The following NELL1 variants were observed in gnomAD, a reference collection of about 807,000 sequenced individuals.
NELL1 encodes the protein protein kinase C-binding protein NELL1.
NELL1 carries 76 observed loss-of-function variants against 107.4 expected under a neutral mutation model. The observed-to-expected ratio is 0.71, with a 90% CI of 0.59 to 0.86. The LOEUF (loss-of-function observed/expected upper bound fraction) is 0.86. Among genes scored for constraint, NELL1 ranks in the 40% least tolerant of loss-of-function variants. The pLI is 0.00. For missense variants in NELL1, 1,024 were observed against 1,005.5 expected, an observed-to-expected ratio of 1.02 and a Z score of -0.25; for synonymous variants, 353 against 341.2, an observed-to-expected ratio of 1.03 and a Z score of -0.38.
At chr11:21,234,111 T>C (rs1858137170) in intron 14 of NELL1, among the ~76,000 whole-genome samples, 1 of 152,204 alleles carries the variant, frequency 6.6e-6, no homozygotes, top group Non-Finnish European at 1.5e-5. Context: ...GTGTAAAGCA[T>C]ATGCATTAGT....
At chr11:21,294,768 G>A (rs1412040685) in intron 14 of NELL1, among the ~76,000 whole-genome samples, 1 of 151,954 alleles carries the variant, frequency 6.6e-6, no homozygotes, top group Non-Finnish European at 1.5e-5. Flanking sequence ...GATTTAAATG[G>A]TCATGAGTGT....
chr11:21,416,844 A>C (rs1852530719), intron 15 of NELL1, among the ~76,000 whole-genome samples: 2 of 152,070 alleles, frequency 1.3e-5, no homozygotes, highest in African/African-American at 4.8e-5. Flanking sequence ...GTTTTCCTTC[A>C]ATATTTAGTT....
chr11:21,179,227 G>T (rs912842079), intron 13 of NELL1, among the ~76,000 whole-genome samples: 2 of 151,910 alleles, frequency 1.3e-5, no homozygotes, highest in African/African-American at 4.9e-5. Context: ...ATTTTGAATA[G>T]AAAGTAGTGA....
In NELL1 at chr11:21,169,484, C is replaced by G. The variant is rs192799806; in HGVS notation, c.1426+55770C>G. ...ATGCAGAACTCCAGGGTATACATTT[C>G]TGTTGCTGATGTTACTGTTGGCTTG... On this transcript the variant is annotated intron_variant, in intron 13 of 19. Coordinates refer to ENST00000357134, the MANE Select transcript of NELL1 (RefSeq NM_006157.5). Among the ~76,000 whole-genome samples, 12 of 151,934 alleles carry G rather than the reference C, an allele frequency of 7.9e-5. No individual in the cohort carries two copies. The East Asian group carries it at 1.9e-3, about 24-fold the overall frequency.
At chr11:20,890,548 A>G (rs966661050) in intron 5 of NELL1, among the ~76,000 whole-genome samples, 1 of 152,104 alleles carries the variant, frequency 6.6e-6, no homozygotes, top group Non-Finnish European at 1.5e-5. Flanking sequence ...GAAGGTGGGT[A>G]ATAACAAACT....
chr11:21,388,896 T>C (rs1042664391), intron 15 of NELL1, among the ~76,000 whole-genome samples: 2 of 151,854 alleles, frequency 1.3e-5, no homozygotes, highest in Admixed American at 6.6e-5. Flanking sequence ...CATCTAAAAT[T>C]AGTTTCATGT....
At chr11:21,504,385 G>A (rs1172744522) in intron 15 of NELL1, among the ~76,000 whole-genome samples, 4 of 152,100 alleles carry the variant, frequency 2.6e-5, no homozygotes, top group African/African-American at 7.2e-5. Context: ...ATGTACATGT[G>A]GAAGCTCAGA....
At chr11:21,137,567 G>A (rs1378309412) in intron 13 of NELL1, among the ~76,000 whole-genome samples, 1 of 152,176 alleles carries the variant, frequency 6.6e-6, no homozygotes, top group Non-Finnish European at 1.5e-5. Context: ...GGCAGTCAAA[G>A]GATTAGAAAG....
chr11:21,241,636 G>A (rs1858362243), intron 14 of NELL1, among the ~76,000 whole-genome samples: 1 of 152,108 alleles, frequency 6.6e-6, no homozygotes, highest in Non-Finnish European at 1.5e-5. Flanking sequence ...GCTAACTGTA[G>A]TCTTTCTGCC....
intron 13 of NELL1, among the ~76,000 whole-genome samples, chr11:21,131,487 C>T (rs143617698): frequency 6.6e-6 from 1 of 152,318 alleles, no homozygotes; most frequent in East Asian, 1.9e-4. Flanking sequence ...TCATCATCTG[C>T]AGCAGGAGAT....
intron 2 of NELL1, among the ~76,000 whole-genome samples, chr11:20,679,939 T>A (rs1854149976): frequency 6.6e-6 from 1 of 151,982 alleles, no homozygotes; most frequent in South Asian, 2.1e-4. Context: ...GTAGGTCCCC[T>A]GGGCTGGAAC....
At chr11:21,532,516 G>A (rs1856014611) in intron 15 of NELL1, among the ~76,000 whole-genome samples, 1 of 152,118 alleles carries the variant, frequency 6.6e-6, no homozygotes, top group Non-Finnish European at 1.5e-5. Flanking sequence ...ACTTTTCCAG[G>A]CAAACCAGGA....
chr11:21,123,987 T>C (rs1284070791), intron 13 of NELL1, among the ~76,000 whole-genome samples: 5 of 152,178 alleles, frequency 3.3e-5, no homozygotes, highest in Admixed American at 2.0e-4. Flanking sequence ...TATGAATACA[T>C]ATGCACATAC....
At chr11:21,548,952 G>C (rs568237718) in intron 16 of NELL1, among the ~76,000 whole-genome samples, 6 of 150,882 alleles carry the variant, frequency 4.0e-5, no homozygotes, top group Non-Finnish European at 8.9e-5. Context: ...GAATTTTACT[G>C]TACTCCATGG....
At chr11:21,194,815 A>C (rs927083784) in intron 13 of NELL1, among the ~76,000 whole-genome samples, 33 of 152,178 alleles carry the variant, frequency 2.2e-4, no homozygotes, top group Non-Finnish European at 4.1e-4. Flanking sequence ...CTCCATGGAT[A>C]CAACTGTATC....
intron 15 of NELL1, among the ~76,000 whole-genome samples, chr11:21,512,381 CA>C (rs1423018755): frequency 2.6e-5 from 4 of 152,146 alleles, no homozygotes; most frequent in Non-Finnish European, 5.9e-5. Flanking sequence ...ATCATGTTAT[CA>C]GGGAGTATGT....
intron 4 of NELL1, among the ~76,000 whole-genome samples, chr11:20,851,003 C>T (rs540847627): frequency 6.6e-6 from 1 of 152,274 alleles, no homozygotes; most frequent in Non-Finnish European, 1.5e-5. Context: ...AAACCTTAGT[C>T]TAACCCACCC....
chr11:21,248,390 A>G (rs1251007641), intron 14 of NELL1, among the ~76,000 whole-genome samples: 1 of 152,136 alleles, frequency 6.6e-6, no homozygotes, highest in East Asian at 1.9e-4. Flanking sequence ...ACAAGACAAA[A>G]CAAAGCAGGA....
intron 16 of NELL1, among the ~76,000 whole-genome samples, chr11:21,545,909 T>C (rs1213161333): frequency 1.3e-5 from 2 of 151,970 alleles, no homozygotes; most frequent in Admixed American, 1.3e-4. Flanking sequence ...AGCAGCTCTG[T>C]GGGTAAGGGC....
Sources: gnomAD v4.1 joint callset for allele counts (sites outside exome capture counted in the v4.1 genomes callset) on GRCh38, gnomAD v4.1.1 for gene constraint, MANE v1.5 for transcripts, NCBI Gene and HGNC (gene_info 2026-07-23, HGNC 2026-07-21) for gene names.